PROC: variants seen among roughly 807,000 people sequenced by gnomAD.
PROC encodes protein C, inactivator of coagulation factors Va and VIIIa.
A neutral mutation model predicts 36.3 loss-of-function variants in PROC; 22 were observed. The ratio of observed to expected loss-of-function variants is 0.61; its 90% CI spans 0.43 to 0.86. PROC has a LOEUF of 0.86. PROC is among the 40% of genes least tolerant of loss of function. PROC has a pLI of 0.00. For synonymous variants in PROC, 218 were observed against 244.5 expected, an observed-to-expected ratio of 0.89 and a Z score of 1.01; for missense variants, 526 against 629.7, an observed-to-expected ratio of 0.84 and a Z score of 1.76.
rs2292886 is a variant in PROC, at chr2:127,418,561, G to C, written c.-22+69G>C. Reference sequence around the variant, plus strand: ...GGCTGCCCCCGGGAGAAGAGAGCTAGGTGGTGATGAGGGCTGAATCCTCCA... The same window carrying C: ...GGCTGCCCCCGGGAGAAGAGAGCTACGTGGTGATGAGGGCTGAATCCTCCA... On this transcript the variant is annotated intron_variant, in intron 1 of 8. Transcript: ENST00000234071. The surrounding 1 kb of genome is among the most constrained non-coding windows in gnomAD (Gnocchi z 4.8). 4.1e-4 allele frequency: 519 copies of C among 1,251,866 alleles called. 7 individuals carry two copies. The East Asian group carries it at 0.021, about 51-fold the overall frequency. The allele number at this position is 1,251,866 out of a possible 1,614,324, so 77.5% of individuals were successfully genotyped here. A position where few individuals can be genotyped will look rare whatever the true frequency, so the allele number is the denominator to read the frequency against.
rs1687904973 is a variant in PROC, at chr2:127,418,727, T to C, written c.-22+235T>C. The stretch of plus-strand genomic sequence containing the variant: ...CAAGGGTCCCCAGGGCCCAGGGCCA[T>C]TCCAACAGACAGTTTGGAGCCCAGG... On this transcript the variant is annotated intron_variant, in intron 1 of 8. Coordinates refer to ENST00000234071, the MANE Select transcript of PROC (RefSeq NM_000312.4). The surrounding 1 kb of genome is among the most constrained non-coding windows in gnomAD (Gnocchi z 4.8). Among the ~76,000 whole-genome samples the C allele has an allele frequency of 6.6e-6, 1 of 152,204 alleles. No individual in the cohort carries two copies.
chr2:127,423,463 G>A (rs1688263321), intron 6 of PROC, 55 bp downstream of exon 6: 1 of 1,530,704 alleles, frequency 6.5e-7, no homozygotes, highest in Non-Finnish European at 8.8e-7. Context: ...GGGTGGGCAG[G>A]CCCCCTGACG....
At position 127,428,934 on chromosome 2, in the gene PROC, C is replaced by A. The variant is rs776993248; in HGVS notation, c.1374C>A (p.Ser458Arg). 1 of 1,613,936 alleles carries A rather than the reference C, an allele frequency of 6.2e-7. No homozygotes were observed. The highest frequency in any genetic ancestry group is 1.7e-5 in the Admixed American group (1 of 60,024). The change falls in exon 9 of 9, where the codon AGC (serine) becomes AGA (arginine). Residue 458 changes from serine (S) to arginine (R), a missense_variant. Physicochemically the swap from Ser to Arg is moderately radical, Grantham distance 110. Transcript: ENST00000234071. Reference sequence around the variant, plus strand: ...GAGACAAGGAAGCCCCCCAGAAGAGCTGGGCACCTTAGCGACCCTCCCTGC... The same window carrying A: ...GAGACAAGGAAGCCCCCCAGAAGAGATGGGCACCTTAGCGACCCTCCCTGC... ...HIRDKEAPQK[S>R]WAP is the part of the protein sequence containing the mutation.
intron 6 of PROC, among the ~76,000 whole-genome samples, chr2:127,424,171 C>T (rs1313662114): frequency 2.0e-5 from 3 of 151,958 alleles, no homozygotes; most frequent in African/African-American, 7.3e-5. Flanking sequence ...ATCTCTTTGA[C>T]TTTGTGTTTT....
Position 127,429,031 on chromosome 2 carries a change from C to A in PROC, c.*85C>A. The A allele has an allele frequency of 1.4e-6, 2 of 1,479,498 alleles. No individual in the cohort carries two copies. Among genetic ancestry groups the A allele is most frequent in the Non-Finnish European group, 9.4e-7 (1 of 1,063,492 alleles). 91.6% of individuals were successfully genotyped at this position (1,479,498 alleles called of 1,614,324 possible). On this transcript the variant is annotated 3_prime_UTR_variant, in exon 9 of 9. Coordinates refer to ENST00000234071, the MANE Select transcript of PROC (RefSeq NM_000312.4). Reference sequence around the variant, plus strand: ...GTAACAAGCACACCGGCCTGCTGTTCTGTCCTTCCATCCCTCTTTTGGGCT... The same window carrying A: ...GTAACAAGCACACCGGCCTGCTGTTATGTCCTTCCATCCCTCTTTTGGGCT...
In PROC at chr2:127,418,740, T is replaced by G. The variant is rs1394822197; in HGVS notation, c.-22+248T>G. The stretch of plus-strand genomic sequence containing the variant: ...GGCCCAGGGCCATTCCAACAGACAG[T>G]TTGGAGCCCAGGACCCTCCATTCTC... On this transcript the variant is annotated intron_variant, in intron 1 of 8. Coordinates refer to ENST00000234071, the MANE Select transcript of PROC (RefSeq NM_000312.4). This position sits in a 1 kb window ranked among gnomAD's most constrained non-coding sequence, Gnocchi z 4.8. Among the ~76,000 whole-genome samples the G allele has an allele frequency of 6.6e-6, 1 of 152,150 alleles. No homozygotes were observed. Among genetic ancestry groups the G allele is most frequent in the Non-Finnish European group, 1.5e-5 (1 of 68,014 alleles).
rs151319700 is a variant in PROC, at chr2:127,428,859, C to T, written c.1299C>T (p.Gly433=). ...GCTGTGGGCTCCTTCACAACTACGG[C>T]GTTTACACCAAAGTCAGCCGCTACC... ...GEGCGLLHNY[G]VYTKVSRYLD... The change falls in exon 9 of 9, where the codon GGC becomes GGT. Residue 433 remains glycine, a synonymous_variant. Coordinates refer to ENST00000234071, the MANE Select transcript of PROC (RefSeq NM_000312.4). The T allele has an allele frequency of 4.7e-4, 759 of 1,613,498 alleles. 2 individuals are homozygous for T. Among genetic ancestry groups the T allele is most frequent in the Non-Finnish European group, 5.7e-4 (667 of 1,179,820 alleles).
chr2:127,420,053 C>T, intron 2 of PROC, 41 bp downstream of exon 2: 3 of 1,601,874 alleles, frequency 1.9e-6, no homozygotes, highest in Non-Finnish European at 2.6e-6. Context: ...CTTGTGGCCT[C>T]TACAAGGCCC....
intron 1 of PROC, 82 bp from the exon 2 acceptor site, chr2:127,419,840 C>G (rs1687982328): frequency 6.2e-7 from 1 of 1,606,742 alleles, no homozygotes. Context: ...AGGGACAGCC[C>G]TTTCATTCCG....
chr2:127,426,346 G>A lies in PROC; in HGVS notation c.678+119G>A, dbSNP rs544013346. On this transcript the variant is annotated intron_variant, in intron 7 of 8. Coordinates refer to ENST00000234071, the MANE Select transcript of PROC (RefSeq NM_000312.4). The surrounding 1 kb of genome is among the most constrained non-coding windows in gnomAD (Gnocchi z 7.0). ...GGAAGCGCTGCCATTGCGTTTGGGG[G>A]ATGATGAAGGTGGGGGATGCTTCAG... The A allele has an allele frequency of 2.7e-5, 38 of 1,398,030 alleles. No individual in the cohort carries two copies. In the African/African-American group the frequency reaches 4.4e-4, roughly 16 times the overall value. The allele number at this position is 1,398,030 out of a possible 1,614,324, so 86.6% of individuals were successfully genotyped here. A position where few individuals can be genotyped will look rare whatever the true frequency, so the allele number is the denominator to read the frequency against.
chr2:127,421,680 G>A (rs888345805), intron 3 of PROC, among the ~76,000 whole-genome samples: 1 of 151,430 alleles, frequency 6.6e-6, no homozygotes, highest in Non-Finnish European at 1.5e-5. Context: ...CCTAGGTGGG[G>A]ACTCCCACCA....
chr2:127,423,135 T>G lies in PROC; in HGVS notation c.364T>G (p.Cys122Gly). 3 of 1,603,606 alleles carry G rather than the reference T, an allele frequency of 1.9e-6. No homozygotes were observed. The highest frequency in any genetic ancestry group is 2.6e-6 in the Non-Finnish European group (3 of 1,175,006). ...CGGCATCGGCAGCTTCAGCTGCGACTGCCGCAGCGGCTGGGAGGGCCGCTT... is the reference window on the plus strand; with the variant it reads ...CGGCATCGGCAGCTTCAGCTGCGACGGCCGCAGCGGCTGGGAGGGCCGCTT... ...IDGIGSFSCD[C>G]RSGWEGRFCQ... is the part of the protein sequence containing the mutation. Residue 122 changes from cysteine to glycine, a missense_variant, in exon 5 of 9, where the codon TGC (cysteine) becomes GGC (glycine). Physicochemically the swap from Cys to Gly is radical, Grantham distance 159. Coordinates refer to ENST00000234071, the MANE Select transcript of PROC (RefSeq NM_000312.4).
intron 7 of PROC, 37 bp from the exon 8 acceptor site, chr2:127,427,068 G>A: frequency 6.3e-7 from 1 of 1,582,090 alleles, no homozygotes; most frequent in African/African-American, 1.3e-5. Context: ...GCTGTCAGGA[G>A]GCAGCCCTGT....
intron 1 of PROC, 161 bp from the exon 2 acceptor site, chr2:127,419,761 C>A: frequency 6.7e-7 from 1 of 1,481,820 alleles, no homozygotes. Context: ...GCAGCCGAGG[C>A]CTTCTGAGGC....
rs375912553 is a variant in PROC, at chr2:127,428,635, G to T, written c.1075G>T (p.Val359Phe). The change falls in exon 9 of 9, where the codon GTC becomes TTC. Residue 359 changes from valine (V) to phenylalanine (F), a missense_variant. Val to Phe is a conservative substitution (Grantham distance 50). Transcript: ENST00000234071. The part of the protein sequence containing the change: ...EKEAKRNRTF[V>F]LNFIKIPVVP... ...GGAGGCCAAGAGAAACCGCACCTTC[G>T]TCCTCAACTTCATCAAGATTCCCGT... 1 of 1,614,042 alleles carries T rather than the reference G, an allele frequency of 6.2e-7. No homozygotes were observed. The highest frequency in any genetic ancestry group is 8.5e-7 in the Non-Finnish European group (1 of 1,180,042).
chr2:127,424,182 C>A (rs1688327792), intron 6 of PROC, among the ~76,000 whole-genome samples: 1 of 151,868 alleles, frequency 6.6e-6, no homozygotes, highest in African/African-American at 2.4e-5. Flanking sequence ...TTTGTGTTTT[C>A]TTTCAGGGAA....
At chr2:127,428,213 C>A in intron 8 of PROC, 144 bp from the exon 9 acceptor site, 1 of 790,250 alleles carries the variant, frequency 1.3e-6, no homozygotes, top group Non-Finnish European at 2.1e-6. Flanking sequence ...GTGCCTGGGA[C>A]GTGTGGGTGC....
In PROC at chr2:127,426,388, C is replaced by A; in HGVS notation, c.678+161C>A. On this transcript the variant is annotated intron_variant, in intron 7 of 8. Coordinates refer to ENST00000234071, the MANE Select transcript of PROC (RefSeq NM_000312.4). The surrounding 1 kb of genome is among the most constrained non-coding windows in gnomAD (Gnocchi z 7.0). Reference sequence around the variant, plus strand: ...ATGCTTCAGGGAAAGATGGACGCAACCTGAGGGGAGAGGAGCAGCCAGGGT... The same window carrying A: ...ATGCTTCAGGGAAAGATGGACGCAAACTGAGGGGAGAGGAGCAGCCAGGGT... 2 of 1,095,088 alleles carry A rather than the reference C, an allele frequency of 1.8e-6. No individual in the cohort carries two copies. The highest frequency in any genetic ancestry group is 2.6e-6 in the Non-Finnish European group (2 of 756,938). The allele number at this position is 1,095,088 out of a possible 1,614,324, so 67.8% of individuals were successfully genotyped here.
chr2:127,422,911 C>T lies in PROC; in HGVS notation c.238-6C>T. 1 of 1,564,256 alleles carries T rather than the reference C, an allele frequency of 6.4e-7. No individual in the cohort carries two copies. The highest frequency in any genetic ancestry group is 8.7e-7 in the Non-Finnish European group (1 of 1,155,364). ...AGGAGCCTGACGCTGCCCGCTCTCTCCGCAGCTGGCCTTCTGGTCCAAGCA... is the reference window on the plus strand; with the variant it reads ...AGGAGCCTGACGCTGCCCGCTCTCTTCGCAGCTGGCCTTCTGGTCCAAGCA... On this transcript the variant is annotated splice_region_variant and splice_polypyrimidine_tract_variant and intron_variant, in intron 3 of 8. Coordinates refer to ENST00000234071, the MANE Select transcript of PROC (RefSeq NM_000312.4).
Sources: gnomAD v4.1 joint callset for allele counts (sites outside exome capture counted in the v4.1 genomes callset) on GRCh38, gnomAD v4.1.1 for gene constraint, Gnocchi (gnomAD v3.1) non-coding constraint, MANE v1.5 for transcripts, NCBI Gene and HGNC (gene_info 2026-07-23, HGNC 2026-07-21) for gene names.